The following DPYD variants were observed in gnomAD, a reference collection of about 807,000 sequenced individuals.
DPYD encodes dihydropyrimidine dehydrogenase.
A neutral mutation model predicts 116.2 loss-of-function variants in DPYD; 109 were observed. The ratio of observed to expected loss-of-function variants is 0.94; its 90% CI spans 0.80 to 1.10. DPYD has a LOEUF of 1.10. Ranked by LOEUF, DPYD falls within the 50% of genes least tolerant of loss-of-function variation. DPYD has a pLI of 0.00. For missense variants in DPYD, 1,302 were observed against 1,254.5 expected (o/e 1.04, Z -0.57); for synonymous variants, 440 against 432.0 (o/e 1.02, Z -0.23).
At chr1:97,532,662 A>G (rs1649713517) in intron 12 of DPYD, among the ~76,000 whole-genome samples, 1 of 151,994 alleles carries the variant, frequency 6.6e-6, no homozygotes, top group Admixed American at 6.6e-5. Context: ...AAATTTGTTC[A>G]TAATAGTCCC....
intron 8 of DPYD, among the ~76,000 whole-genome samples, chr1:97,605,897 A>C (rs1475142474): frequency 1.3e-5 from 2 of 152,020 alleles, no homozygotes; most frequent in Admixed American, 6.6e-5. Flanking sequence ...TATTTAACAC[A>C]ATTATTATAT....
chr1:97,486,337 T>TTC (rs1678632961), intron 13 of DPYD, among the ~76,000 whole-genome samples: 2 of 152,196 alleles, frequency 1.3e-5, no homozygotes, highest in African/African-American at 4.8e-5. Context: ...ATTTTTCATT[T>TTC]GTACTATACT....
intron 19 of DPYD, among the ~76,000 whole-genome samples, chr1:97,197,115 C>T (rs1195428594): frequency 1.3e-5 from 2 of 152,064 alleles, no homozygotes; most frequent in Non-Finnish European, 2.9e-5. Context: ...TAAATATGAA[C>T]AAGAACATTT....
At chr1:97,893,920 A>T (rs1292092548) in intron 1 of DPYD, among the ~76,000 whole-genome samples, 3 of 151,858 alleles carry the variant, frequency 2.0e-5, no homozygotes, top group African/African-American at 7.2e-5. Context: ...GACAATTCAA[A>T]CACAAGAATA....
chr1:97,114,266 G>A (rs1265783908), intron 20 of DPYD, among the ~76,000 whole-genome samples: 1 of 152,056 alleles, frequency 6.6e-6, no homozygotes, highest in Non-Finnish European at 1.5e-5. Flanking sequence ...TCTGAGACAG[G>A]TGTCTTTATT....
intron 3 of DPYD, among the ~76,000 whole-genome samples, chr1:97,786,660 ACAC>A (rs1270981300): frequency 6.6e-6 from 1 of 152,250 alleles, no homozygotes; most frequent in African/African-American, 2.4e-5. Context: ...CCTGAAGTTT[ACAC>A]CTAAAGAGCA....
rs145176057 is a variant in DPYD at position 97,206,361 on chromosome 1, C to T, written c.2443-13113G>A. Among the ~76,000 whole-genome samples, 141 of 151,658 alleles carry T rather than the reference C, an allele frequency of 9.3e-4. 2 individuals are homozygous for T. Among genetic ancestry groups the T allele is most frequent in the African/African-American group, 3.3e-3 (135 of 41,412 alleles). ...TTAGGTTACTTATTATGTTTTAAAC[C>T]CTGTTCAAAATATGTCTACATGTAG... On this transcript the variant is annotated intron_variant, in intron 19 of 22. Coordinates refer to ENST00000370192, the MANE Select transcript of DPYD (RefSeq NM_000110.4).
chr1:97,459,102 T>C (rs947620754), intron 13 of DPYD, among the ~76,000 whole-genome samples: 4 of 151,998 alleles, frequency 2.6e-5, no homozygotes, highest in Non-Finnish European at 5.9e-5. Context: ...CTTGAATGTA[T>C]AAATAATGAG....
intron 14 of DPYD, among the ~76,000 whole-genome samples, chr1:97,407,036 GTTA>G (rs1219679502): frequency 6.6e-6 from 1 of 152,114 alleles, no homozygotes; most frequent in Non-Finnish European, 1.5e-5. Context: ...TTTAAAATGT[GTTA>G]TTATGCATTT....
intron 10 of DPYD, among the ~76,000 whole-genome samples, chr1:97,576,121 T>C (rs925624166): frequency 3.3e-5 from 5 of 152,204 alleles, no homozygotes; most frequent in African/African-American, 4.8e-5. Flanking sequence ...AAAATAAATA[T>C]GATTCCAATA....
At chr1:97,726,770 A>C (rs1663286512) in intron 4 of DPYD, among the ~76,000 whole-genome samples, 1 of 151,670 alleles carries the variant, frequency 6.6e-6, no homozygotes, top group East Asian at 1.9e-4. Flanking sequence ...TTTCCACAAG[A>C]ATATTGATTG....
intron 16 of DPYD, among the ~76,000 whole-genome samples, chr1:97,344,452 A>G (rs1433846370): frequency 1.3e-5 from 2 of 151,952 alleles, no homozygotes; most frequent in African/African-American, 4.8e-5. Flanking sequence ...CAGAGGTTCT[A>G]AACACTAGTA....
At chr1:97,895,711 T>TA (rs1335880589) in intron 1 of DPYD, among the ~76,000 whole-genome samples, 2 of 151,742 alleles carry the variant, frequency 1.3e-5, no homozygotes, top group Admixed American at 1.3e-4. Flanking sequence ...TTGGACTATT[T>TA]AAAATCATGA....
At chr1:97,726,649 A>C (rs1663280399) in intron 4 of DPYD, among the ~76,000 whole-genome samples, 1 of 151,532 alleles carries the variant, frequency 6.6e-6, no homozygotes, top group African/African-American at 2.4e-5. Flanking sequence ...TAATATAAAA[A>C]CAGTATCATG....
chr1:97,378,812 C>T (rs185555906), intron 15 of DPYD, among the ~76,000 whole-genome samples: 2 of 152,284 alleles, frequency 1.3e-5, no homozygotes, highest in Admixed American at 1.3e-4. Flanking sequence ...TTCTAACAAG[C>T]AGGACAGAGG....
intron 20 of DPYD, among the ~76,000 whole-genome samples, chr1:97,158,117 C>G (rs1655621211): frequency 6.6e-6 from 1 of 152,016 alleles, no homozygotes; most frequent in Admixed American, 6.6e-5. Context: ...ATACCCTTCA[C>G]TGCATTTGAT....
intron 12 of DPYD, among the ~76,000 whole-genome samples, chr1:97,534,237 G>C (rs1013143220): frequency 3.3e-5 from 5 of 152,078 alleles, no homozygotes; most frequent in Non-Finnish European, 5.9e-5. Context: ...ATGTTGTCTG[G>C]TATACAGTGA....
At chr1:97,410,670 T>A (rs1673936968) in intron 14 of DPYD, among the ~76,000 whole-genome samples, 1 of 152,166 alleles carries the variant, frequency 6.6e-6, no homozygotes, top group Non-Finnish European at 1.5e-5. Flanking sequence ...GCATATTATA[T>A]TTGTGAATTA....
chr1:97,649,958 C>T (rs1385685607), intron 8 of DPYD, among the ~76,000 whole-genome samples: 1 of 152,054 alleles, frequency 6.6e-6, no homozygotes, highest in African/African-American at 2.4e-5. Flanking sequence ...CCCAACTCTA[C>T]TCTGCCATCC....
Sources: gnomAD v4.1 joint callset for allele counts (sites outside exome capture counted in the v4.1 genomes callset) on GRCh38, gnomAD v4.1.1 for gene constraint, MANE v1.5 for transcripts, NCBI Gene and HGNC (gene_info 2026-07-23, HGNC 2026-07-21) for gene names.